Variants in NEK10 observed in about 807,000 individuals in gnomAD.
NEK10 encodes the protein serine/threonine-protein kinase Nek10.
A neutral mutation model predicts 159.8 loss-of-function variants in NEK10; 122 were observed. The observed-to-expected ratio is 0.76, with a 90% CI of 0.66 to 0.89. NEK10 has a LOEUF of 0.89. Among genes scored for constraint, NEK10 ranks in the 40% least tolerant of loss-of-function variants. NEK10 has a pLI of 0.00. For missense variants in NEK10, 1,342 were observed against 1,323.1 expected (o/e 1.01, Z -0.22); for synonymous variants, 466 against 457.1 (o/e 1.02, Z -0.25).
intron 2 of NEK10, 24 bp from the exon 3 acceptor site, chr3:27,352,549 T>G (rs1404158642): frequency 6.4e-7 from 1 of 1,563,886 alleles, no homozygotes; most frequent in South Asian, 1.1e-5. Context: ...TAACACAATG[T>G]GAACCCACAG....
intron 8 of NEK10, 161 bp from the exon 9 acceptor site, chr3:27,311,177 C>T (rs1277942753): frequency 2.1e-6 from 1 of 484,360 alleles, no homozygotes; most frequent in African/African-American, 2.0e-5. Context: ...TACTTTTTTA[C>T]CCCAAGAATT....
chr3:27,261,708 G>T (rs918073345), intron 22 of NEK10, among the ~76,000 whole-genome samples: 2 of 152,178 alleles, frequency 1.3e-5, no homozygotes, highest in Admixed American at 1.3e-4. Context: ...TGTTGATTTG[G>T]GGTGGAGAGT....
rs760618872 is a variant in NEK10, at chr3:27,307,918, T to C, written c.744A>G (p.Glu248=). The change falls in exon 11 of 36, where the codon GAA becomes GAG. Residue 248 remains glutamate, a synonymous_variant. Transcript: ENST00000691995. ...ESQECREKIS[E]LNIVENLLMI... is the part of the protein sequence containing the mutation. Reference sequence around the variant, plus strand: ...TCAACAGATTTTCTACAATGTTGAGTTCACTTATCTTCTCCCTACATTCTT... The same window carrying C: ...TCAACAGATTTTCTACAATGTTGAGCTCACTTATCTTCTCCCTACATTCTT... 2.6e-6 allele frequency: 4 copies of C among 1,530,954 alleles called. No individual in the cohort carries two copies. The South Asian group carries it at 4.5e-5, about 17-fold the overall frequency. 94.8% of individuals were successfully genotyped at this position (1,530,954 alleles called of 1,614,324 possible). A position where few individuals can be genotyped will look rare whatever the true frequency, so the allele number is the denominator to read the frequency against.
intron 1 of NEK10, among the ~76,000 whole-genome samples, chr3:27,358,084 A>C (rs2048440312): frequency 6.6e-6 from 1 of 152,218 alleles, no homozygotes; most frequent in Admixed American, 6.5e-5. Context: ...TTTTACAAAA[A>C]CTTTTGGCCT....
intron 22 of NEK10, among the ~76,000 whole-genome samples, chr3:27,275,330 G>C (rs1420941729): frequency 6.6e-6 from 1 of 152,144 alleles, no homozygotes; most frequent in African/African-American, 2.4e-5. Flanking sequence ...AATTTCCTTT[G>C]ACATTTCCTT....
intron 23 of NEK10, among the ~76,000 whole-genome samples, chr3:27,229,420 G>C (rs1466378098): frequency 6.6e-6 from 1 of 152,136 alleles, no homozygotes; most frequent in Non-Finnish European, 1.5e-5. Flanking sequence ...ACCCAAATGA[G>C]AAGGAACCAG....
At chr3:27,208,050 CTG>C (rs1454569395) in intron 23 of NEK10, among the ~76,000 whole-genome samples, 1 of 151,904 alleles carries the variant, frequency 6.6e-6, no homozygotes, top group Non-Finnish European at 1.5e-5. Context: ...TTGTGGATGT[CTG>C]TGTGTTTGTA....
chr3:27,162,162 A>AT (rs1363514781), intron 30 of NEK10: 2 of 325,566 alleles, frequency 6.1e-6, no homozygotes, highest in Non-Finnish European at 5.7e-6. Context: ...CATGGTTACT[A>AT]TTTTTTGTTT....
intron 5 of NEK10, among the ~76,000 whole-genome samples, chr3:27,329,147 G>A (rs1222472288): frequency 1.3e-5 from 2 of 152,122 alleles, no homozygotes. Flanking sequence ...TTTAAAAATG[G>A]GAGTTTCCCT....
rs9843962 is a variant in NEK10, at chr3:27,318,662, T to C, written c.447+3515A>G. Among the ~76,000 whole-genome samples the C allele has an allele frequency of 5.6e-3, 855 of 152,310 alleles. 9 individuals carry two copies. The highest frequency in any genetic ancestry group is 0.02 in the African/African-American group (820 of 41,566). ...GACAAATAACATCACTGAGAATAAT[T>C]TAGCATCGTGTTGAAGATAGCTTTG... is the stretch of plus-strand genomic sequence containing the variant. On this transcript the variant is annotated intron_variant, in intron 6 of 35. Transcript: ENST00000691995.
intron 30 of NEK10, chr3:27,162,446 T>C (rs1946102186): frequency 3.7e-6 from 6 of 1,613,212 alleles, no homozygotes; most frequent in Non-Finnish European, 5.1e-6. Flanking sequence ...ATCAATGTGA[T>C]CTAGTAAGTA....
At chr3:27,235,742 C>G (rs1024199959) in intron 23 of NEK10, among the ~76,000 whole-genome samples, 9 of 152,046 alleles carry the variant, frequency 5.9e-5, no homozygotes, top group Non-Finnish European at 1.2e-4. Flanking sequence ...TCCATTCGAC[C>G]CAGCAATTCC....
intron 3 of NEK10, among the ~76,000 whole-genome samples, chr3:27,350,078 C>A (rs1430740772): frequency 6.6e-6 from 1 of 152,162 alleles, no homozygotes; most frequent in Admixed American, 6.6e-5. Context: ...TCCTCTGTAA[C>A]CTGAATTTGG....
At chr3:27,181,891 T>C (rs961262126) in intron 26 of NEK10, among the ~76,000 whole-genome samples, 8 of 152,164 alleles carry the variant, frequency 5.3e-5, no homozygotes, top group Admixed American at 1.3e-4. Flanking sequence ...AGATTCTCCA[T>C]GTTAAAACAA....
chr3:27,151,167 G>A (rs1480015347), intron 30 of NEK10, among the ~76,000 whole-genome samples: 1 of 152,100 alleles, frequency 6.6e-6, no homozygotes, highest in Non-Finnish European at 1.5e-5. Flanking sequence ...GATGGTCTTT[G>A]GAAAACACCA....
chr3:27,295,314 G>C (rs1228812596), intron 15 of NEK10, among the ~76,000 whole-genome samples: 3 of 151,974 alleles, frequency 2.0e-5, no homozygotes. Flanking sequence ...TCCCCCTGTT[G>C]TTATATTCTG....
chr3:27,340,686 T>C (rs1275323477), intron 5 of NEK10, among the ~76,000 whole-genome samples: 3 of 152,270 alleles, frequency 2.0e-5, no homozygotes, highest in African/African-American at 7.2e-5. Flanking sequence ...AGAACAGCTA[T>C]GATTAAAAGA....
intron 20 of NEK10, among the ~76,000 whole-genome samples, chr3:27,286,211 A>G (rs2590265): frequency 0.64 from 94,664 of 148,762 alleles, 32,251 homozygotes; most frequent in African/African-American, 0.9. Context: ...TCAGTCTCCC[A>G]AGTAGCTGGG....
rs542088081 is a variant in NEK10 at position 27,304,693 on chromosome 3, G to A, written c.1028+54C>T. ...CACCAATCTGCCATCTTGTCACAGAGTCCCCAGACTTCAACAAACAGGGCA... is the reference window on the plus strand; with the variant it reads ...CACCAATCTGCCATCTTGTCACAGAATCCCCAGACTTCAACAAACAGGGCA... On this transcript the variant is annotated intron_variant, in intron 12 of 35. Transcript: ENST00000691995. 8.9e-6 allele frequency: 10 copies of A among 1,124,208 alleles called. No homozygotes were observed. The South Asian group carries it at 1.1e-4, about 13-fold the overall frequency. The allele number at this position is 1,124,208 out of a possible 1,614,324, so 69.6% of individuals were successfully genotyped here.
Sources: allele counts gnomAD v4.1 joint callset (sites outside exome capture counted in the v4.1 genomes callset), GRCh38; gene constraint gnomAD v4.1.1; transcripts MANE v1.5; gene names NCBI Gene and HGNC (gene_info 2026-07-23, HGNC 2026-07-21).